FNIP2: variants seen among roughly 807,000 people sequenced by gnomAD.
The protein encoded by FNIP2 is folliculin interacting protein 2.
Under a neutral mutation model 108.7 loss-of-function variants are expected in FNIP2, and 32 were observed. The ratio of observed to expected loss-of-function variants is 0.29; its 90% CI spans 0.22 to 0.40. The LOEUF (loss-of-function observed/expected upper bound fraction) is 0.40, where lower values mean the gene tolerates loss of function less well. FNIP2 is among the 10% of genes least tolerant of loss of function. The pLI, the probability that FNIP2 is intolerant of heterozygous loss-of-function variation, is 1.00. For missense variants in FNIP2, 1,202 were observed against 1,381.6 expected (o/e 0.87, Z 2.06); for synonymous variants, 480 against 496.7 (o/e 0.97, Z 0.45).
rs28602262 is a variant in FNIP2, at chr4:158,799,976, C to T, written c.108-25940C>T. On this transcript the variant is annotated intron_variant, in intron 1 of 16. Transcript: ENST00000264433. ...ATCATTTTACCGAGACAAATAGATA[C>T]GCAGTGCCTTTTCTTGTGGGTGGAG... 4.6e-3 allele frequency among the ~76,000 whole-genome samples: 696 copies of T among 152,222 alleles called. 1 individual carries two copies. The highest frequency in any genetic ancestry group is 0.016 in the African/African-American group (660 of 41,522).
chr4:158,875,723 C>T (rs1781244853), intron 14 of FNIP2, among the ~76,000 whole-genome samples: 1 of 151,952 alleles, frequency 6.6e-6, no homozygotes, highest in Non-Finnish European at 1.5e-5. Context: ...GACAAATCCA[C>T]TATTTTGGAA....
At chr4:158,859,441 A>G (rs1780162839) in intron 9 of FNIP2, 137 bp from the exon 10 acceptor site, 1 of 1,025,856 alleles carries the variant, frequency 9.7e-7, no homozygotes, top group African/African-American at 1.6e-5. Context: ...GAAGGAAATG[A>G]CTGCTTTTTC....
In FNIP2 at chr4:158,809,250, G is replaced by C. The variant is rs145716457; in HGVS notation, c.108-16666G>C. On this transcript the variant is annotated intron_variant, in intron 1 of 16. Transcript: ENST00000264433. ...GAGGTGGGCAGATCACTTGAGGTCA[G>C]GAGTTCGAGATCAGCCTGGCCAACA... is the stretch of plus-strand genomic sequence containing the variant. 3.7e-3 allele frequency among the ~76,000 whole-genome samples: 559 copies of C among 152,298 alleles called. 5 individuals are homozygous for C. Among genetic ancestry groups the C allele is most frequent in the African/African-American group, 0.013 (525 of 41,566 alleles).
chr4:158,881,228 C>CTCTCCCTCTCTTTCCACGG (rs1781576153), intron 14 of FNIP2, among the ~76,000 whole-genome samples: 1 of 151,458 alleles, frequency 6.6e-6, no homozygotes, highest in Admixed American at 6.6e-5. Context: ...CACGGTCTCC[C>CTCTCCCTCTCTTTCCACGG]TCTCCCTCTC....
intron 16 of FNIP2, among the ~76,000 whole-genome samples, chr4:158,897,749 G>C (rs1484848326): frequency 6.6e-6 from 1 of 152,140 alleles, no homozygotes; most frequent in African/African-American, 2.4e-5. Flanking sequence ...CCCTTTATCA[G>C]ATGGGAAGAT....
rs58702187 is a variant in FNIP2 at position 158,815,384 on chromosome 4, C to CTT, written c.108-10517_108-10516dup. 8.4e-4 allele frequency among the ~76,000 whole-genome samples: 115 copies of CTT among 137,428 alleles called. 1 individual carries two copies. Among genetic ancestry groups the CTT allele is most frequent in the Non-Finnish European group, 9.7e-4 (62 of 63,958 alleles). The allele number at this position is 137,428 out of a possible 152,430, so 90.2% of individuals were successfully genotyped here. A position where few individuals can be genotyped will look rare whatever the true frequency, so the allele number is the denominator to read the frequency against. On this transcript the variant is annotated intron_variant, in intron 1 of 16. Transcript: ENST00000264433. ...GCTTTCTTTTTCATCAGTAATCCAG[C>CTT]TTTTTTTTTTTTTTTTGAGACGGAG...
intron 1 of FNIP2, among the ~76,000 whole-genome samples, chr4:158,798,413 T>A (rs1040662083): frequency 3.3e-5 from 5 of 152,198 alleles, no homozygotes; most frequent in African/African-American, 1.2e-4. Context: ...ATATAAGAGA[T>A]GGATAATTAG....
intron 7 of FNIP2, among the ~76,000 whole-genome samples, chr4:158,839,567 T>G (rs1012432840): frequency 4.0e-5 from 6 of 151,796 alleles, no homozygotes; most frequent in Admixed American, 6.6e-5. Context: ...AAGGCCCCAC[T>G]ATGTTGCCCC....
In FNIP2 at chr4:158,860,868, A is replaced by G. The variant is rs10025942; in HGVS notation, c.1149-474A>G. ...GACGGGGTTTCACCATATTGGCCAG[A>G]ATGTTCTCTATCTCTTGACCTTGTA... On this transcript the variant is annotated intron_variant, in intron 10 of 16. Coordinates refer to ENST00000264433, the MANE Select transcript of FNIP2 (RefSeq NM_020840.3). Among the ~76,000 whole-genome samples, 364 of 151,446 alleles carry G rather than the reference A, an allele frequency of 2.4e-3. 1 individual carries two copies. Among genetic ancestry groups the G allele is most frequent in the African/African-American group, 8.7e-3 (357 of 41,244 alleles).
chr4:158,797,882 A>T (rs913196479), intron 1 of FNIP2, among the ~76,000 whole-genome samples: 1 of 152,146 alleles, frequency 6.6e-6, no homozygotes, highest in Non-Finnish European at 1.5e-5. Context: ...TTGAGAGAAG[A>T]GAGGGGCTTC....
At position 158,839,124 on chromosome 4, in the gene FNIP2, C is replaced by G. The variant is rs76456324; in HGVS notation, c.727+3648C>G. Among the ~76,000 whole-genome samples, 165 of 152,238 alleles carry G rather than the reference C, an allele frequency of 1.1e-3. 3 individuals carry two copies. In the East Asian group the frequency reaches 0.027, roughly 25 times the overall value. Reference sequence around the variant, plus strand: ...CCACTGTAAAGTTACTCTTTATTTCCTCCTGTCCAGGCTGTGTACTTTGGA... The same window carrying G: ...CCACTGTAAAGTTACTCTTTATTTCGTCCTGTCCAGGCTGTGTACTTTGGA... On this transcript the variant is annotated intron_variant, in intron 7 of 16. Transcript: ENST00000264433.
At chr4:158,857,204 T>A (rs564325897) in intron 8 of FNIP2, among the ~76,000 whole-genome samples, 6 of 152,224 alleles carry the variant, frequency 3.9e-5, no homozygotes, top group Non-Finnish European at 8.8e-5. Flanking sequence ...AGTGGACTGA[T>A]ACAGTCATTT....
chr4:158,839,489 C>T (rs1283207134), intron 7 of FNIP2, among the ~76,000 whole-genome samples: 3 of 152,154 alleles, frequency 2.0e-5, no homozygotes, highest in Non-Finnish European at 4.4e-5. Context: ...CCTCAGCGCC[C>T]TGAGTAGCTG....
At chr4:158,843,740 G>A (rs2126630597) in intron 7 of FNIP2, among the ~76,000 whole-genome samples, 1 of 152,330 alleles carries the variant, frequency 6.6e-6, no homozygotes, top group Non-Finnish European at 1.5e-5. Flanking sequence ...TGCAGAATGA[G>A]CCTGGAGAGG....
intron 1 of FNIP2, among the ~76,000 whole-genome samples, chr4:158,787,103 G>A (rs1486212161): frequency 6.6e-6 from 1 of 152,122 alleles, no homozygotes; most frequent in Non-Finnish European, 1.5e-5. Context: ...GGATTTAGCT[G>A]TTGTTGAGAA....
chr4:158,856,329 A>G (rs1011694980), intron 8 of FNIP2, among the ~76,000 whole-genome samples: 4 of 152,234 alleles, frequency 2.6e-5, no homozygotes, highest in East Asian at 1.9e-4. Context: ...ATAAATAACA[A>G]TTAGACTAAG....
chr4:158,815,649 C>T (rs1777527431), intron 1 of FNIP2, among the ~76,000 whole-genome samples: 1 of 152,110 alleles, frequency 6.6e-6, no homozygotes, highest in Admixed American at 6.6e-5. Flanking sequence ...GAGGTGTGAG[C>T]CACCGCGCCC....
In FNIP2 at chr4:158,906,459, T is replaced by C. The variant is rs1729852687; in HGVS notation, c.*1915T>C. 6.6e-6 allele frequency: 1 copy of C among 152,236 alleles called. No homozygotes were observed. The highest frequency in any genetic ancestry group is 1.5e-5 in the Non-Finnish European group (1 of 68,048). 9.4% of individuals were successfully genotyped at this position (152,236 alleles called of 1,614,324 possible). A position where few individuals can be genotyped will look rare whatever the true frequency, so the allele number is the denominator to read the frequency against. On this transcript the variant is annotated 3_prime_UTR_variant, in exon 17 of 17. Coordinates refer to ENST00000264433, the MANE Select transcript of FNIP2 (RefSeq NM_020840.3). ...CAATTCTAATGTGGACATAGTGGCA[T>C]GTTCATAATTAGACCCATATAGGGG...
rs892370693 is a variant in FNIP2 at position 158,822,157 on chromosome 4, AAGAAT to A, written c.108-3755_108-3751del. Among the ~76,000 whole-genome samples, 184 of 151,992 alleles carry A rather than the reference AAGAAT, an allele frequency of 1.2e-3. 2 individuals carry two copies. Among genetic ancestry groups the A allele is most frequent in the African/African-American group, 4.3e-3 (178 of 41,494 alleles). The stretch of plus-strand genomic sequence containing the variant: ...ACCAAAGACAGTATTCATATGTAAG[AAGAAT>A]AGAGTTTTCCTCTTTTTTTTTTTTT... On this transcript the variant is annotated intron_variant, in intron 1 of 16. Coordinates refer to ENST00000264433, the MANE Select transcript of FNIP2 (RefSeq NM_020840.3).
Sources: gnomAD v4.1 joint callset for allele counts (sites outside exome capture counted in the v4.1 genomes callset) on GRCh38, gnomAD v4.1.1 for gene constraint, MANE v1.5 for transcripts, NCBI Gene and HGNC (gene_info 2026-07-23, HGNC 2026-07-21) for gene names.